Variants in CABIN1 observed in about 807,000 individuals in gnomAD.
CABIN1 encodes calcineurin binding protein 1.
A neutral mutation model predicts 227.7 loss-of-function variants in CABIN1; 133 were observed. The ratio of observed to expected loss-of-function variants is 0.58; its 90% CI spans 0.51 to 0.67. The LOEUF (loss-of-function observed/expected upper bound fraction) is 0.67. CABIN1 is among the 30% of genes least tolerant of loss of function. The pLI, the probability that CABIN1 is intolerant of heterozygous loss-of-function variation, is 0.00. For synonymous variants in CABIN1, 1,086 were observed against 1,155.1 expected (o/e 0.94, Z 1.21); for missense variants, 2,408 against 2,852.5 (o/e 0.84, Z 3.55).
In CABIN1 at chr22:24,166,708, A is replaced by G. The variant is rs1262267600; in HGVS notation, c.5077A>G (p.Lys1693Glu). ...CAGGATGACCACCGATGTCTCACACAAGGCCAGTCCTGAGGATGGCCAGGA... is the reference window on the plus strand; with the variant it reads ...CAGGATGACCACCGATGTCTCACACGAGGCCAGTCCTGAGGATGGCCAGGA... ...GARMTTDVSH[K>E]ASPEDGQEGL... Residue 1693 changes from lysine to glutamate, a missense_variant, in exon 32 of 37, where the codon AAG becomes GAG. By Grantham distance (56) the Lys-to-Glu change is moderately conservative (BLOSUM62 1). Coordinates refer to ENST00000263119, the MANE Select transcript of CABIN1 (RefSeq NM_012295.4). 4 of 1,612,752 alleles carry G rather than the reference A, an allele frequency of 2.5e-6. No homozygotes were observed. Among genetic ancestry groups the G allele is most frequent in the Non-Finnish European group, 8.5e-7 (1 of 1,180,018 alleles).
At position 24,167,001 on chromosome 22, in the gene CABIN1, C is replaced by G. The variant is rs757756542; in HGVS notation, c.5370C>G (p.Pro1790=). The change falls in exon 32 of 37, where the codon CCC becomes CCG. Residue 1790 remains proline (P), a synonymous_variant. Coordinates refer to ENST00000263119, the MANE Select transcript of CABIN1 (RefSeq NM_012295.4). ...GTCGCCCCGCAAGGGACCGGGGCCC[C>G]GAGAGCCGGCCCACTGAGCTGTCCC... ...LPGRPARDRG[P]ESRPTELSLE... The G allele has an allele frequency of 1.3e-6, 2 of 1,563,524 alleles. No homozygotes were observed. Among genetic ancestry groups the G allele is most frequent in the Non-Finnish European group, 1.7e-6 (2 of 1,154,764 alleles).
Position 24,166,990 on chromosome 22 carries a change from G to A in CABIN1, c.5359G>A (p.Asp1787Asn), listed in dbSNP as rs1282753582. The change falls in exon 32 of 37, where the codon GAC (aspartate) becomes AAC (asparagine). Residue 1787 changes from aspartate (D) to asparagine (N), a missense_variant. Asp to Asn is a conservative substitution (Grantham distance 23). Transcript: ENST00000263119. ...CCTGCTGCCAGGTCGCCCCGCAAGG[G>A]ACCGGGGCCCCGAGAGCCGGCCCAC... The part of the protein sequence containing the change: ...PPLLPGRPAR[D>N]RGPESRPTEL... The A allele has an allele frequency of 1.3e-6, 2 of 1,573,504 alleles. No homozygotes were observed. The highest frequency in any genetic ancestry group is 2.7e-5 in the African/African-American group (2 of 73,926).
chr22:24,116,188 C>CA lies in CABIN1; in HGVS notation c.4300+2450dup, dbSNP rs60549017. Among the ~76,000 whole-genome samples the CA allele has an allele frequency of 1.5e-3, 218 of 146,452 alleles. 1 individual carries two copies. The highest frequency in any genetic ancestry group is 4.3e-3 in the African/African-American group (171 of 39,894). ...CTCACCTTTGCAGGGGGCAGAGCTT[C>CA]AAAAAAAAAAGTCTAAAATATGAAG... is the stretch of plus-strand genomic sequence containing the variant. On this transcript the variant is annotated intron_variant, in intron 27 of 36. Transcript: ENST00000263119.
chr22:24,149,977 G>A (rs2045386031), intron 29 of CABIN1, among the ~76,000 whole-genome samples: 1 of 152,264 alleles, frequency 6.6e-6, no homozygotes, highest in Admixed American at 6.5e-5. Flanking sequence ...GCCTCGGCCT[G>A]ATGGGGAAGG....
chr22:24,105,964 C>T (rs980614041), intron 26 of CABIN1, among the ~76,000 whole-genome samples: 2 of 152,198 alleles, frequency 1.3e-5, no homozygotes, highest in African/African-American at 4.8e-5. Context: ...CCCATTTGAA[C>T]CTAGGGCCAC....
At chr22:24,136,556 A>G (rs1175274248) in intron 29 of CABIN1, among the ~76,000 whole-genome samples, 17 of 100,334 alleles carry the variant, frequency 1.7e-4, no homozygotes, top group African/African-American at 7.2e-4. Context: ...TTTAGAGACA[A>G]GGTTTCACCA....
chr22:24,067,342 T>C (rs1171169380), intron 16 of CABIN1, among the ~76,000 whole-genome samples, 161 bp downstream of exon 16: 3 of 152,212 alleles, frequency 2.0e-5, no homozygotes, highest in African/African-American at 7.2e-5. Flanking sequence ...TCAGAAGATA[T>C]GGTCAAGACT....
chr22:24,163,401 G>C (rs533221856), intron 29 of CABIN1, among the ~76,000 whole-genome samples: 1 of 152,272 alleles, frequency 6.6e-6, no homozygotes, highest in East Asian at 1.9e-4. Context: ...CCTGAGAGGG[G>C]TACCACCTAG....
chr22:24,104,073 G>A (rs1287905822), intron 26 of CABIN1, among the ~76,000 whole-genome samples: 3 of 152,126 alleles, frequency 2.0e-5, no homozygotes, highest in Non-Finnish European at 4.4e-5. Flanking sequence ...GAGACTTTGA[G>A]GGGAGAGAGC....
At chr22:24,161,087 C>T (rs151182922) in intron 29 of CABIN1, among the ~76,000 whole-genome samples, 6 of 152,324 alleles carry the variant, frequency 3.9e-5, no homozygotes, top group African/African-American at 1.2e-4. Context: ...TAACTTGTAT[C>T]AGGCACTCAG....
At chr22:24,024,727 C>T (rs1475610764) in intron 1 of CABIN1, among the ~76,000 whole-genome samples, 1 of 152,110 alleles carries the variant, frequency 6.6e-6, no homozygotes, top group African/African-American at 2.4e-5. Flanking sequence ...TTATTTTTCT[C>T]ACACTGGATA....
At chr22:24,141,262 C>T (rs1347458765) in intron 29 of CABIN1, among the ~76,000 whole-genome samples, 1 of 152,228 alleles carries the variant, frequency 6.6e-6, no homozygotes, top group East Asian at 1.9e-4. Flanking sequence ...ACCCACCACA[C>T]AGGTCTCTTT....
intron 6 of CABIN1, among the ~76,000 whole-genome samples, chr22:24,044,128 C>T (rs1297667078): frequency 6.6e-6 from 1 of 152,108 alleles, no homozygotes; most frequent in South Asian, 2.1e-4. Context: ...GGCAAGGGCT[C>T]TACCCCTAAG....
chr22:24,065,250 G>C (rs1250491253), intron 15 of CABIN1, among the ~76,000 whole-genome samples: 1 of 151,796 alleles, frequency 6.6e-6, no homozygotes, highest in African/African-American at 2.4e-5. Flanking sequence ...CTTCTCAGAC[G>C]GGGCGGCTGC....
At chr22:24,047,001 G>A (rs539659064) in intron 6 of CABIN1, among the ~76,000 whole-genome samples, 3 of 152,124 alleles carry the variant, frequency 2.0e-5, no homozygotes, top group South Asian at 2.1e-4. Flanking sequence ...CAACTGATTG[G>A]ATGAGGCCCC....
chr22:24,126,753 C>T (rs1012765127), intron 28 of CABIN1, among the ~76,000 whole-genome samples: 3 of 152,160 alleles, frequency 2.0e-5, no homozygotes, highest in African/African-American at 2.4e-5. Flanking sequence ...AATCCCAGCT[C>T]TTTGGGAGGC....
chr22:24,177,629 C>A lies in CABIN1; in HGVS notation c.6331C>A (p.Pro2111Thr), dbSNP rs2047188983. ...SKAPSSGSAQ[P>T]PEGHPGKPEP... is the part of the protein sequence containing the mutation. Reference sequence around the variant, plus strand: ...GGCCCCCAGCAGTGGGAGTGCCCAGCCACCAGAGGGTCACCCAGGCAAGCC... The same window carrying A: ...GGCCCCCAGCAGTGGGAGTGCCCAGACACCAGAGGGTCACCCAGGCAAGCC... The change falls in exon 36 of 37, where the codon CCA becomes ACA. Residue 2111 changes from proline to threonine, a missense_variant. Pro to Thr is a conservative substitution (Grantham distance 38). Transcript: ENST00000263119. This position sits in a 1 kb window ranked among gnomAD's most constrained non-coding sequence, Gnocchi z 4.4. 6.2e-7 allele frequency: 1 copy of A among 1,613,370 alleles called. No homozygotes were observed. The highest frequency in any genetic ancestry group is 2.2e-5 in the East Asian group (1 of 44,890).
At chr22:24,096,446 T>G (rs1397244009) in intron 25 of CABIN1, among the ~76,000 whole-genome samples, 2 of 152,122 alleles carry the variant, frequency 1.3e-5, no homozygotes, top group Non-Finnish European at 2.9e-5. Context: ...CACCCCTGGG[T>G]CCTTTGCCAA....
chr22:24,028,122 T>TA (rs1264845246), intron 1 of CABIN1, among the ~76,000 whole-genome samples: 2 of 152,182 alleles, frequency 1.3e-5, no homozygotes, highest in African/African-American at 4.8e-5. Context: ...GCAGCAGCAT[T>TA]ATATCTAAAA....
Sources: allele counts gnomAD v4.1 joint callset (sites outside exome capture counted in the v4.1 genomes callset), GRCh38; gene constraint gnomAD v4.1.1; non-coding constraint Gnocchi (gnomAD v3.1); transcripts MANE v1.5; gene names NCBI Gene and HGNC (gene_info 2026-07-23, HGNC 2026-07-21).